SUDS3: variants seen among roughly 807,000 people sequenced by gnomAD.
The protein encoded by SUDS3 is sin3 histone deacetylase corepressor complex component SDS3.
Under a neutral mutation model 53.5 loss-of-function variants are expected in SUDS3, and 23 were observed. The observed-to-expected ratio is 0.43, with a 90% confidence interval of 0.31 to 0.61. The LOEUF is 0.61. Ranked by LOEUF, SUDS3 falls within the 20% of genes least tolerant of loss-of-function variation. SUDS3 has a pLI of 0.10. For missense variants in SUDS3, 291 were observed against 405.9 expected (o/e 0.72, Z 2.43); for synonymous variants, 150 against 148.5 (o/e 1.01, Z -0.08).
intron 6 of SUDS3, among the ~76,000 whole-genome samples, chr12:118,399,175 T>C (rs1285749807): frequency 6.6e-6 from 1 of 152,118 alleles, no homozygotes. Context: ...GCCTGGCTTA[T>C]ATCCTGTGGA....
intron 10 of SUDS3, among the ~76,000 whole-genome samples, chr12:118,410,111 C>G (rs757888018): frequency 4.6e-5 from 7 of 152,220 alleles, no homozygotes; most frequent in Non-Finnish European, 8.8e-5. Flanking sequence ...TGTTCCTTAT[C>G]CCCAGTGTAT....
chr12:118,393,002 A>C (rs1484160063), intron 6 of SUDS3, among the ~76,000 whole-genome samples: 2 of 152,216 alleles, frequency 1.3e-5, no homozygotes, highest in African/African-American at 4.8e-5. Flanking sequence ...ACGCAATAAA[A>C]TAGATTACAG....
intron 9 of SUDS3, among the ~76,000 whole-genome samples, 169 bp from the exon 10 acceptor site, chr12:118,403,243 G>A (rs576529559): frequency 1.7e-3 from 259 of 152,244 alleles, no homozygotes; most frequent in Non-Finnish European, 2.7e-3. Flanking sequence ...TGATGATCAA[G>A]TTTAGATGGA....
In SUDS3 at chr12:118,411,013, G is replaced by T. The variant is rs538998428; in HGVS notation, c.804-60G>T. 3 of 1,390,092 alleles carry T rather than the reference G, an allele frequency of 2.2e-6. No homozygotes were observed. In the South Asian group the frequency reaches 3.7e-5, roughly 17 times the overall value. 86.1% of individuals were successfully genotyped at this position (1,390,092 alleles called of 1,614,324 possible). A position where few individuals can be genotyped will look rare whatever the true frequency, so the allele number is the denominator to read the frequency against. ...TTGTGATGGTGTTTTTGTTTTGTTT[G>T]GTTTTTACTTCCTGTCTCTGTCCCT... On this transcript the variant is annotated intron_variant, in intron 10 of 11. Coordinates refer to ENST00000543473, the MANE Select transcript of SUDS3 (RefSeq NM_022491.3).
At position 118,393,035 on chromosome 12, in the gene SUDS3, G is replaced by T. The variant is rs186338247; in HGVS notation, c.517+1753G>T. Among the ~76,000 whole-genome samples, 3 of 152,304 alleles carry T rather than the reference G, an allele frequency of 2.0e-5. No individual in the cohort carries two copies. In the East Asian group the frequency reaches 5.8e-4, roughly 29 times the overall value. ...CAGAAGTGTTTAAAGCTAGCCATGGGCATTAAAGGTATGGATGTCCTTCCT... is the reference window on the plus strand; with the variant it reads ...CAGAAGTGTTTAAAGCTAGCCATGGTCATTAAAGGTATGGATGTCCTTCCT... On this transcript the variant is annotated intron_variant, in intron 6 of 11. Coordinates refer to ENST00000543473, the MANE Select transcript of SUDS3 (RefSeq NM_022491.3).
chr12:118,379,893 A>G (rs2046039383), intron 1 of SUDS3, among the ~76,000 whole-genome samples: 1 of 152,160 alleles, frequency 6.6e-6, no homozygotes, highest in South Asian at 2.1e-4. Flanking sequence ...CTCGGTATCT[A>G]TGGGGGACTG....
intron 5 of SUDS3, among the ~76,000 whole-genome samples, chr12:118,390,560 G>A (rs59189682): frequency 2.6e-3 from 393 of 152,276 alleles, no homozygotes; most frequent in African/African-American, 9.0e-3. Flanking sequence ...TCAGCCAGAA[G>A]GATCACGTGA....
chr12:118,386,993 G>T (rs1227680954), intron 4 of SUDS3, among the ~76,000 whole-genome samples: 7 of 152,144 alleles, frequency 4.6e-5, no homozygotes, highest in African/African-American at 1.7e-4. Context: ...AGTAATGATG[G>T]GTTTTAAAAT....
At chr12:118,407,846 G>A (rs1301660465) in intron 10 of SUDS3, among the ~76,000 whole-genome samples, 3 of 150,770 alleles carry the variant, frequency 2.0e-5, no homozygotes, top group Non-Finnish European at 4.4e-5. Flanking sequence ...AGCCTCCTGA[G>A]TAGCTGGGAC....
intron 10 of SUDS3, among the ~76,000 whole-genome samples, chr12:118,410,271 C>G (rs1197887786): frequency 6.6e-6 from 1 of 152,190 alleles, no homozygotes; most frequent in African/African-American, 2.4e-5. Flanking sequence ...TTGTTGGTGA[C>G]TGACTTGGAC....
intron 4 of SUDS3, among the ~76,000 whole-genome samples, chr12:118,386,717 C>T (rs550135402): frequency 2.0e-5 from 3 of 152,178 alleles, no homozygotes; most frequent in Non-Finnish European, 2.9e-5. Flanking sequence ...CTAAGCACTG[C>T]GAGCAATATA....
chr12:118,403,980 A>G (rs951010913), intron 10 of SUDS3: 6 of 157,676 alleles, frequency 3.8e-5, no homozygotes, highest in African/African-American at 1.4e-4. Flanking sequence ...GCGATATGCT[A>G]ATGTACACTG....
chr12:118,379,677 ACTGC>A (rs1389080067), intron 1 of SUDS3, among the ~76,000 whole-genome samples: 1 of 152,152 alleles, frequency 6.6e-6, no homozygotes, highest in African/African-American at 2.4e-5. Context: ...GTAAGGCTTG[ACTGC>A]CTGCAGTGTC....
rs577354324 is a variant in SUDS3, at chr12:118,399,753, A to G, written c.518-906A>G. On this transcript the variant is annotated intron_variant, in intron 6 of 11. Coordinates refer to ENST00000543473, the MANE Select transcript of SUDS3 (RefSeq NM_022491.3). ...TGTTCTCGCATGGAAGGAGGGATAG[A>G]TTGGATGTCCCTGAGATACAGGAAA... is the stretch of plus-strand genomic sequence containing the variant. Among the ~76,000 whole-genome samples the G allele has an allele frequency of 2.0e-5, 3 of 152,272 alleles. No homozygotes were observed. The South Asian group carries it at 6.2e-4, about 32-fold the overall frequency.
chr12:118,384,764 G>A (rs1232915239), intron 3 of SUDS3, among the ~76,000 whole-genome samples: 1 of 151,836 alleles, frequency 6.6e-6, no homozygotes, highest in Non-Finnish European at 1.5e-5. Context: ...ACCTGGAGGC[G>A]GAACTTGCAG....
chr12:118,377,821 A>G (rs1010571787), intron 1 of SUDS3, among the ~76,000 whole-genome samples: 1 of 152,224 alleles, frequency 6.6e-6, no homozygotes, highest in Non-Finnish European at 1.5e-5. Context: ...GCTGTTTGGA[A>G]TGGGGCCTAC....
chr12:118,409,615 C>T (rs2046341174), intron 10 of SUDS3, among the ~76,000 whole-genome samples: 8 of 152,218 alleles, frequency 5.3e-5, no homozygotes, highest in Admixed American at 5.2e-4. Context: ...TAGGTTATTT[C>T]CTTATACCAG....
At chr12:118,406,823 AG>A (rs1409712169) in intron 10 of SUDS3, among the ~76,000 whole-genome samples, 4 of 140,152 alleles carry the variant, frequency 2.9e-5, no homozygotes, top group Non-Finnish European at 4.7e-5. Context: ...GAAATTAAAA[AG>A]TAAATTCTTA....
At chr12:118,383,223 A>G (rs1276991309) in intron 2 of SUDS3, among the ~76,000 whole-genome samples, 1 of 152,188 alleles carries the variant, frequency 6.6e-6, no homozygotes, top group Non-Finnish European at 1.5e-5. Context: ...TGCTTGTTAT[A>G]TGTTGGACAG....
Sources: gnomAD v4.1 joint callset for allele counts (sites outside exome capture counted in the v4.1 genomes callset) on GRCh38, gnomAD v4.1.1 for gene constraint, MANE v1.5 for transcripts, NCBI Gene and HGNC (gene_info 2026-07-23, HGNC 2026-07-21) for gene names.